Variants in SLC9A2 observed in about 807,000 individuals in gnomAD.
SLC9A2 encodes solute carrier family 9 member A2.
A neutral mutation model predicts 71.7 loss-of-function variants in SLC9A2; 42 were observed. The observed-to-expected ratio is 0.59, with a 90% CI of 0.46 to 0.76. SLC9A2 has a LOEUF of 0.76. Among genes scored for constraint, SLC9A2 ranks in the 30% least tolerant of loss-of-function variants. The probability of loss-of-function intolerance (pLI) is 0.00; values close to 1 mark genes in which losing one functional copy is unlikely to be tolerated. For missense variants in SLC9A2, 829 were observed against 1,017.4 expected, an observed-to-expected ratio of 0.81 and a Z score of 2.52; for synonymous variants, 396 against 392.5, an observed-to-expected ratio of 1.01 and a Z score of -0.10.
intron 7 of SLC9A2, among the ~76,000 whole-genome samples, chr2:102,695,826 A>ATATATATATAT (rs1558723334): frequency 2.8e-5 from 3 of 108,648 alleles, no homozygotes; most frequent in African/African-American, 8.9e-5. Context: ...TATATATATA[A>ATATATATATAT]AAAGCTAAAA....
In SLC9A2 at chr2:102,705,865, G is replaced by A. The variant is rs572895281; in HGVS notation, c.1997G>A (p.Arg666Gln). Residue 666 changes from arginine (R) to glutamine (Q), a missense_variant, in exon 11 of 12, where the codon CGA (arginine) becomes CAA (glutamine). Physicochemically the swap from Arg to Gln is conservative, Grantham distance 43. Transcript: ENST00000233969. ...REHRASTSTS[R>Q]YLSLPKNTKL... ...TTACAGGCTTCCACTTCAACCTCCC[G>A]ATATTTATCCTTACCTAAAAATACG... The A allele has an allele frequency of 4.9e-5, 79 of 1,596,996 alleles. No individual in the cohort carries two copies. The highest frequency in any genetic ancestry group is 5.7e-5 in the Non-Finnish European group (67 of 1,171,526).
intron 4 of SLC9A2, 52 bp from the exon 5 acceptor site, chr2:102,684,082 C>A: frequency 7.5e-7 from 1 of 1,328,036 alleles, no homozygotes; most frequent in Non-Finnish European, 1.1e-6. Context: ...TATGTATTTT[C>A]ATATTTTGGC....
At chr2:102,646,541 C>A (rs1333848820) in intron 1 of SLC9A2, among the ~76,000 whole-genome samples, 1 of 152,018 alleles carries the variant, frequency 6.6e-6, no homozygotes, top group Non-Finnish European at 1.5e-5. Context: ...CATCAGTGTG[C>A]TGTATTCAGG....
At chr2:102,641,740 T>A (rs1676585332) in intron 1 of SLC9A2, among the ~76,000 whole-genome samples, 1 of 152,060 alleles carries the variant, frequency 6.6e-6, no homozygotes, top group South Asian at 2.1e-4. Context: ...TATTGCTGTG[T>A]CCTTAGTGCC....
In SLC9A2 at chr2:102,709,695, TTAGAG is replaced by T. The variant is rs894890967; in HGVS notation, c.*1209_*1213del. On this transcript the variant is annotated 3_prime_UTR_variant, in exon 12 of 12. Coordinates refer to ENST00000233969, the MANE Select transcript of SLC9A2 (RefSeq NM_003048.6). ...TTCATATAAAATTGAATTCTACTCA[TTAGAG>T]TACTTTTTAAAAGTACAGCAGAAAG... 2.9e-4 allele frequency: 44 copies of T among 152,770 alleles called. No homozygotes were observed. The highest frequency in any genetic ancestry group is 9.2e-4 in the African/African-American group (38 of 41,456). The allele number at this position is 152,770 out of a possible 1,614,324, so 9.5% of individuals were successfully genotyped here. A position where few individuals can be genotyped will look rare whatever the true frequency, so the allele number is the denominator to read the frequency against.
intron 9 of SLC9A2, among the ~76,000 whole-genome samples, chr2:102,703,393 T>G (rs1377250281): frequency 1.3e-5 from 2 of 152,154 alleles, no homozygotes; most frequent in Non-Finnish European, 2.9e-5. Context: ...TTTTCGTTCT[T>G]TGGCCCAGGT....
At chr2:102,628,876 C>A (rs1676304739) in intron 1 of SLC9A2, among the ~76,000 whole-genome samples, 1 of 152,042 alleles carries the variant, frequency 6.6e-6, no homozygotes, top group African/African-American at 2.4e-5. Context: ...CATTTTAATG[C>A]ATTTTGGCTA....
chr2:102,697,405 T>G (rs924891316), intron 7 of SLC9A2: 3 of 151,964 alleles, frequency 2.0e-5, no homozygotes, highest in Non-Finnish European at 4.4e-5. Context: ...ATCCAAAGGC[T>G]GCCAGATTAA....
Position 102,620,011 on chromosome 2 carries a change from G to T in SLC9A2, c.163G>T (p.Val55Leu). The T allele has an allele frequency of 6.2e-7, 1 of 1,614,138 alleles. No homozygotes were observed. Among genetic ancestry groups the T allele is most frequent in the Non-Finnish European group, 8.5e-7 (1 of 1,180,016 alleles). Residue 55 changes from valine to leucine, a missense_variant, in exon 1 of 12, where the codon GTG becomes TTG. By Grantham distance (32) the Val-to-Leu change is conservative (BLOSUM62 1). Coordinates refer to ENST00000233969, the MANE Select transcript of SLC9A2 (RefSeq NM_003048.6). Reference sequence around the variant, plus strand: ...TTCCAGCCCGCCTAGCCCTGCGAGCGTGGTGGCTCCCGGAACGACGCTGTT... The same window carrying T: ...TTCCAGCCCGCCTAGCCCTGCGAGCTTGGTGGCTCCCGGAACGACGCTGTT... Reference protein sequence around the residue: ...TSSSPPSPASVVAPGTTLFEE... With the variant: ...TSSSPPSPASLVAPGTTLFEE...
chr2:102,640,211 C>G (rs1676548727), intron 1 of SLC9A2, among the ~76,000 whole-genome samples: 1 of 152,242 alleles, frequency 6.6e-6, no homozygotes, highest in South Asian at 2.1e-4. Flanking sequence ...TAGGAAGAAA[C>G]TTGTGTTTCT....
intron 1 of SLC9A2, among the ~76,000 whole-genome samples, chr2:102,653,740 GGT>G (rs1252135778): frequency 6.6e-6 from 1 of 152,172 alleles, no homozygotes. Flanking sequence ...GAAAGAAAAA[GGT>G]GAAAGAGGAA....
intron 1 of SLC9A2, among the ~76,000 whole-genome samples, chr2:102,624,205 G>A (rs927280207): frequency 2.0e-5 from 3 of 152,180 alleles, no homozygotes; most frequent in Non-Finnish European, 2.9e-5. Context: ...AGCAAATTTA[G>A]TACACCTCGG....
chr2:102,677,546 T>C (rs1677365100), intron 3 of SLC9A2, among the ~76,000 whole-genome samples: 1 of 152,194 alleles, frequency 6.6e-6, no homozygotes, highest in Non-Finnish European at 1.5e-5. Context: ...CACTCTGTCC[T>C]ACAGAATGGA....
intron 7 of SLC9A2, among the ~76,000 whole-genome samples, chr2:102,698,501 C>T (rs187252142): frequency 1.3e-4 from 20 of 152,254 alleles, no homozygotes; most frequent in Middle Eastern, 3.4e-3. Context: ...GCTCAGAACA[C>T]GTCATTATTA....
At chr2:102,673,778 G>T (rs1677298014) in intron 3 of SLC9A2, among the ~76,000 whole-genome samples, 1 of 150,972 alleles carries the variant, frequency 6.6e-6, no homozygotes, top group Admixed American at 6.6e-5. Context: ...TAATTGCTGA[G>T]AAATAAATAC....
chr2:102,632,926 T>C (rs935802853), intron 1 of SLC9A2, among the ~76,000 whole-genome samples: 3 of 152,188 alleles, frequency 2.0e-5, no homozygotes, highest in Admixed American at 6.5e-5. Flanking sequence ...TCTGTGACTC[T>C]GCCTCTGGCT....
chr2:102,651,313 C>G (rs978153085), intron 1 of SLC9A2, among the ~76,000 whole-genome samples: 7 of 152,192 alleles, frequency 4.6e-5, no homozygotes, highest in Admixed American at 3.3e-4. Context: ...AGGAAATAAC[C>G]AACTTCTGTC....
chr2:102,656,003 C>G (rs1007871716), intron 1 of SLC9A2, among the ~76,000 whole-genome samples: 1 of 152,226 alleles, frequency 6.6e-6, no homozygotes, highest in African/African-American at 2.4e-5. Context: ...CTTAAAGGCT[C>G]CATCCACCTC....
At chr2:102,644,317 C>T (rs538711719) in intron 1 of SLC9A2, among the ~76,000 whole-genome samples, 1 of 152,250 alleles carries the variant, frequency 6.6e-6, no homozygotes, top group Admixed American at 6.5e-5. Context: ...GTTTTTGCAA[C>T]CCACAGACCA....
Sources: gnomAD v4.1 joint callset for allele counts (sites outside exome capture counted in the v4.1 genomes callset) on GRCh38, gnomAD v4.1.1 for gene constraint, MANE v1.5 for transcripts, NCBI Gene and HGNC (gene_info 2026-07-23, HGNC 2026-07-21) for gene names.